Variants in AMD1 observed in about 807,000 individuals in gnomAD.
The protein encoded by AMD1 is adenosylmethionine decarboxylase 1, also known as S-adenosylmethionine decarboxylase proenzyme.
AMD1 carries 11 observed loss-of-function variants against 40.2 expected under a neutral mutation model. That is an observed-to-expected ratio of 0.27 (90% CI 0.17 to 0.45). AMD1 has a LOEUF of 0.45. Ranked by LOEUF, AMD1 falls within the 20% of genes least tolerant of loss-of-function variation. The pLI is 1.00. For synonymous variants in AMD1, 121 were observed against 130.8 expected, an observed-to-expected ratio of 0.93 and a Z score of 0.51; for missense variants, 257 against 410.2, an observed-to-expected ratio of 0.63 and a Z score of 3.23.
the AMD1 span, among the ~76,000 whole-genome samples, chr6:110,849,690 A>G: frequency 2.0e-5 from 3 of 152,194 alleles, no homozygotes; most frequent in African/African-American, 7.2e-5. Flanking sequence ...GATTTCTTCT[A>G]GGAGCACTGG....
intron 2 of AMD1, chr6:110,888,623 TA>T (rs1785836336): frequency 3.6e-6 from 1 of 275,646 alleles, no homozygotes. Flanking sequence ...TTTTTTTTTT[TA>T]AACTAAGTTT....
the AMD1 span, among the ~76,000 whole-genome samples, chr6:110,845,690 A>G: frequency 6.6e-6 from 1 of 152,198 alleles, no homozygotes; most frequent in Non-Finnish European, 1.5e-5. Flanking sequence ...GCCTTAGGCC[A>G]GAGACAGAAG....
the AMD1 span, among the ~76,000 whole-genome samples, chr6:110,837,032 C>T: frequency 4.6e-5 from 7 of 151,970 alleles, no homozygotes; most frequent in South Asian, 2.1e-4. Flanking sequence ...TGGCAAGTGC[C>T]TGTAGTCCTA....
chr6:110,837,086 G>A, the AMD1 span, among the ~76,000 whole-genome samples: 1 of 140,386 alleles, frequency 7.1e-6, no homozygotes. Flanking sequence ...GAGCCCAGGA[G>A]TTTGATGCTG....
At chr6:110,885,484 G>A (rs750926847) in intron 1 of AMD1, among the ~76,000 whole-genome samples, 14 of 152,184 alleles carry the variant, frequency 9.2e-5, no homozygotes, top group Non-Finnish European at 1.8e-4. Flanking sequence ...AGGCTGGTAT[G>A]CAGTGGCAAG....
the AMD1 span, among the ~76,000 whole-genome samples, chr6:110,838,063 CAA>C: frequency 4.1e-4 from 25 of 61,128 alleles, no homozygotes; most frequent in African/African-American, 4.2e-4. Context: ...GACTCCGTCT[CAA>C]AAAAAAAAAA....
chr6:110,870,401 G>C (rs1395053570), upstream of AMD1, among the ~76,000 whole-genome samples: 1 of 152,194 alleles, frequency 6.6e-6, no homozygotes, highest in African/African-American at 2.4e-5. Flanking sequence ...GAGGTGGGCA[G>C]ATCATCAGTC....
the AMD1 span, among the ~76,000 whole-genome samples, chr6:110,830,531 G>A: frequency 6.6e-6 from 1 of 152,168 alleles, no homozygotes; most frequent in Non-Finnish European, 1.5e-5. Flanking sequence ...CTGCTTTTCT[G>A]AAAATTTCTA....
chr6:110,815,226 T>G, the AMD1 span: 9 of 1,197,480 alleles, frequency 7.5e-6, no homozygotes, highest in Non-Finnish European at 7.4e-6. Flanking sequence ...GCTCCACTTC[T>G]CCAACAGCCG....
At chr6:110,878,480 T>C (rs1785227761) in intron 1 of AMD1, among the ~76,000 whole-genome samples, 1 of 152,206 alleles carries the variant, frequency 6.6e-6, no homozygotes, top group African/African-American at 2.4e-5. Flanking sequence ...TTTTATGATA[T>C]AGCTTGGGTT....
the AMD1 span, among the ~76,000 whole-genome samples, chr6:110,842,485 G>A: frequency 6.6e-6 from 1 of 152,022 alleles, no homozygotes; most frequent in Non-Finnish European, 1.5e-5. Context: ...TTTGTGTTTG[G>A]GACTTGGAGA....
chr6:110,846,033 T>A, the AMD1 span, among the ~76,000 whole-genome samples: 1 of 152,012 alleles, frequency 6.6e-6, no homozygotes. Flanking sequence ...CAAGGTCAGA[T>A]GTTCGAGACC....
the AMD1 span, among the ~76,000 whole-genome samples, chr6:110,848,241 G>T: frequency 6.6e-6 from 1 of 151,952 alleles, no homozygotes; most frequent in Non-Finnish European, 1.5e-5. Flanking sequence ...GATGATTTCA[G>T]CTGGGCTCGG....
chr6:110,831,747 C>G, the AMD1 span, among the ~76,000 whole-genome samples: 1 of 152,198 alleles, frequency 6.6e-6, no homozygotes, highest in Non-Finnish European at 1.5e-5. Flanking sequence ...CAGCTTGATG[C>G]TAAATGTCTA....
chr6:110,815,224 T>C, the AMD1 span: 1 of 1,227,466 alleles, frequency 8.1e-7, no homozygotes, highest in South Asian at 1.9e-5. Context: ...CCGCTCCACT[T>C]CTCCAACAGC....
the AMD1 span, among the ~76,000 whole-genome samples, chr6:110,861,154 C>T: frequency 1.3e-5 from 2 of 152,016 alleles, no homozygotes; most frequent in African/African-American, 2.4e-5. Context: ...GTCAGGAGAT[C>T]GAGACCATCC....
Position 110,892,895 on chromosome 6 carries a change from A to T in AMD1, c.709-15A>T, listed in dbSNP as rs1272228403. ...TAGTCTTTCCATTCTTAACACTGTG[A>T]ACTTTTTCTCTCAGGGAACTTATTG... On this transcript the variant is annotated splice_polypyrimidine_tract_variant and intron_variant, in intron 7 of 8. Coordinates refer to ENST00000368885, the MANE Select transcript of AMD1 (RefSeq NM_001634.6). The T allele has an allele frequency of 6.2e-7, 1 of 1,612,694 alleles. No homozygotes were observed. Among genetic ancestry groups the T allele is most frequent in the East Asian group, 2.2e-5 (1 of 44,864 alleles).
the AMD1 span, among the ~76,000 whole-genome samples, chr6:110,848,131 A>T: frequency 1.3e-5 from 2 of 152,084 alleles, no homozygotes; most frequent in African/African-American, 4.8e-5. Flanking sequence ...GATTCCTGAA[A>T]ATATGAGCTG....
chr6:110,886,575 G>A (rs1785700123), intron 1 of AMD1, among the ~76,000 whole-genome samples: 1 of 152,190 alleles, frequency 6.6e-6, no homozygotes, highest in Admixed American at 6.5e-5. Flanking sequence ...AAAGTGCTGG[G>A]ATTACAGGCG....
Sources: allele counts gnomAD v4.1 joint callset (sites outside exome capture counted in the v4.1 genomes callset), GRCh38; gene constraint gnomAD v4.1.1; transcripts MANE v1.5; gene names NCBI Gene and HGNC (gene_info 2026-07-23, HGNC 2026-07-21).